The following ITCH variants were observed in gnomAD, a reference collection of about 807,000 sequenced individuals.
ITCH encodes the protein E3 ubiquitin-protein ligase Itchy homolog.
A neutral mutation model predicts 126.8 loss-of-function variants in ITCH; 28 were observed. That is an observed-to-expected ratio of 0.22 (90% confidence interval 0.16 to 0.30). The LOEUF is 0.30. Ranked by LOEUF, ITCH falls within the 10% of genes least tolerant of loss-of-function variation. ITCH has a pLI of 1.00. For missense variants in ITCH, 631 were observed against 1,032.4 expected (o/e 0.61, Z 5.33); for synonymous variants, 342 against 340.0 (o/e 1.01, Z -0.06).
At chr20:34,387,630 A>C (rs555017862) in intron 2 of ITCH, among the ~76,000 whole-genome samples, 2 of 152,268 alleles carry the variant, frequency 1.3e-5, no homozygotes, top group South Asian at 4.1e-4. Flanking sequence ...AAAAAAAAAA[A>C]AAAAGACCCT....
At chr20:34,475,798 AGGT>A (rs1988161725) in intron 16 of ITCH, 2 of 649,188 alleles carry the variant, frequency 3.1e-6, no homozygotes, top group Non-Finnish European at 5.5e-6. Flanking sequence ...TAGTTATACA[AGGT>A]GAATTAAAAT....
chr20:34,472,447 C>G (rs1987738833), intron 16 of ITCH, among the ~76,000 whole-genome samples: 1 of 150,024 alleles, frequency 6.7e-6, no homozygotes, highest in Admixed American at 6.6e-5. Context: ...TACTAATAAC[C>G]TACTGCAACT....
intron 4 of ITCH, among the ~76,000 whole-genome samples, chr20:34,410,952 C>T (rs1333564023): frequency 6.6e-6 from 1 of 152,120 alleles, no homozygotes; most frequent in African/African-American, 2.4e-5. Context: ...AAGTTATTTT[C>T]CTGAATTTTT....
intron 7 of ITCH, among the ~76,000 whole-genome samples, chr20:34,437,415 C>G (rs1436985802): frequency 6.6e-6 from 1 of 152,304 alleles, no homozygotes; most frequent in African/African-American, 2.4e-5. Flanking sequence ...AAACAATCCT[C>G]CCACCTCAGC....
chr20:34,401,750 C>A, intron 3 of ITCH: 1 of 515,728 alleles, frequency 1.9e-6, no homozygotes, highest in Non-Finnish European at 2.5e-6. Flanking sequence ...AACCTCCCCC[C>A]TAAAAAAGAG....
chr20:34,422,976 G>A lies in ITCH; in HGVS notation c.476-1504G>A, dbSNP rs1400204032. Among the ~76,000 whole-genome samples the A allele has an allele frequency of 2.0e-5, 3 of 152,126 alleles. No homozygotes were observed. In the East Asian group the frequency reaches 5.8e-4, roughly 29 times the overall value. On this transcript the variant is annotated intron_variant, in intron 6 of 24. Coordinates refer to ENST00000374864, the MANE Select transcript of ITCH (RefSeq NM_031483.7). ...CACTCAGCTAATTTTTGTATTTTTA[G>A]TAGAGATGAAGTTTCGCCATGTTGG...
chr20:34,501,259 T>C (rs912035149), intron 23 of ITCH, among the ~76,000 whole-genome samples: 34 of 152,194 alleles, frequency 2.2e-4, no homozygotes, highest in African/African-American at 7.5e-4. Flanking sequence ...CACTGATTTA[T>C]GGATGAAATA....
At chr20:34,474,620 G>T (rs6059858) in intron 16 of ITCH, among the ~76,000 whole-genome samples, 3 of 152,218 alleles carry the variant, frequency 2.0e-5, no homozygotes, top group Non-Finnish European at 2.9e-5. Context: ...ACCCTTCCCC[G>T]CTTTCTATTC....
intron 24 of ITCH, among the ~76,000 whole-genome samples, chr20:34,506,188 C>T (rs533860482): frequency 6.0e-4 from 92 of 152,270 alleles, no homozygotes; most frequent in African/African-American, 2.0e-3. Context: ...CTTAGCCTCC[C>T]AAGTAGCTGG....
chr20:34,489,998 A>G (rs1489482185), intron 22 of ITCH, 72 bp downstream of exon 22: 1 of 1,070,674 alleles, frequency 9.3e-7, no homozygotes, highest in Non-Finnish European at 1.4e-6. Flanking sequence ...ACATATGGAA[A>G]TGAGTCACAG....
intron 20 of ITCH, among the ~76,000 whole-genome samples, chr20:34,488,399 A>ATACTG (rs1483568935): frequency 2.0e-5 from 3 of 152,190 alleles, no homozygotes; most frequent in African/African-American, 4.8e-5. Flanking sequence ...GTAGAGACAA[A>ATACTG]TACTGAAGTA....
At chr20:34,369,003 A>C (rs1213668840) in intron 1 of ITCH, among the ~76,000 whole-genome samples, 2 of 152,200 alleles carry the variant, frequency 1.3e-5, no homozygotes, top group Non-Finnish European at 2.9e-5. Flanking sequence ...GTGCTTTTAG[A>C]GTCGCAAGGT....
intron 6 of ITCH, among the ~76,000 whole-genome samples, chr20:34,415,146 A>G (rs1351730892): frequency 6.6e-6 from 1 of 152,186 alleles, no homozygotes; most frequent in Admixed American, 6.6e-5. Flanking sequence ...GAGTTTGACG[A>G]AGATCTTTTG....
chr20:34,503,343 A>T (rs1990380636), intron 23 of ITCH, among the ~76,000 whole-genome samples: 1 of 152,164 alleles, frequency 6.6e-6, no homozygotes, highest in Admixed American at 6.5e-5. Flanking sequence ...TGAGACCAAC[A>T]ATAAATGCTT....
chr20:34,465,903 T>C (rs1987011571), intron 14 of ITCH, among the ~76,000 whole-genome samples: 1 of 152,120 alleles, frequency 6.6e-6, no homozygotes, highest in African/African-American at 2.4e-5. Context: ...TATTTATTTA[T>C]TTTTCTTGCT....
At chr20:34,456,850 G>C (rs891956432) in intron 12 of ITCH, among the ~76,000 whole-genome samples, 11 of 151,296 alleles carry the variant, frequency 7.3e-5, no homozygotes, top group African/African-American at 2.7e-4. Context: ...CCAAAGTGCT[G>C]GGATTACAGG....
chr20:34,405,163 A>AG (rs2039016831), intron 3 of ITCH, among the ~76,000 whole-genome samples: 1 of 151,030 alleles, frequency 6.6e-6, no homozygotes, highest in Non-Finnish European at 1.5e-5. Flanking sequence ...AAAAAAAAAA[A>AG]AGGTTTCAGT....
intron 7 of ITCH, among the ~76,000 whole-genome samples, chr20:34,426,424 C>T (rs1030039278): frequency 2.6e-5 from 4 of 151,730 alleles, no homozygotes; most frequent in African/African-American, 9.7e-5. Context: ...CATTTGTCAT[C>T]TATGGGTTGT....
intron 3 of ITCH, among the ~76,000 whole-genome samples, chr20:34,394,868 C>G (rs534085975): frequency 3.8e-4 from 58 of 152,158 alleles, no homozygotes. Context: ...TGGCCTGGGA[C>G]AAAGTCTGTT....
Sources: allele counts gnomAD v4.1 joint callset (sites outside exome capture counted in the v4.1 genomes callset), GRCh38; gene constraint gnomAD v4.1.1; transcripts MANE v1.5; gene names NCBI Gene and HGNC (gene_info 2026-07-23, HGNC 2026-07-21).